BFAR: variants seen among roughly 807,000 people sequenced by gnomAD.
BFAR encodes RING finger protein 47.
A neutral mutation model predicts 54.4 loss-of-function variants in BFAR; 52 were observed. That is an observed-to-expected ratio of 0.96 (90% CI 0.77 to 1.21). BFAR has a LOEUF of 1.21. Ranked by LOEUF, BFAR falls within the 50% of genes most tolerant of loss-of-function variation. The probability of loss-of-function intolerance (pLI) is 0.00; values close to 1 mark genes in which losing one functional copy is unlikely to be tolerated. For missense variants in BFAR, 571 were observed against 534.0 expected (o/e 1.07, Z -0.68); for synonymous variants, 215 against 204.3 (o/e 1.05, Z -0.45).
At chr16:14,664,653 C>T (rs999457759) in intron 6 of BFAR, among the ~76,000 whole-genome samples, 2 of 152,112 alleles carry the variant, frequency 1.3e-5, no homozygotes, top group Non-Finnish European at 2.9e-5. Flanking sequence ...GCACACACCA[C>T]CACGTCTGGC....
intron 1 of BFAR, among the ~76,000 whole-genome samples, chr16:14,636,586 C>G (rs1959450411): frequency 1.3e-5 from 2 of 152,206 alleles, no homozygotes; most frequent in African/African-American, 4.8e-5. Context: ...CCAAGACATT[C>G]CATTGCCCAG....
chr16:14,656,788 C>T (rs1467484180), intron 5 of BFAR, among the ~76,000 whole-genome samples: 3 of 152,068 alleles, frequency 2.0e-5, no homozygotes, highest in African/African-American at 7.2e-5. Context: ...GAAAAGGAGA[C>T]AAAGACTTTG....
intron 5 of BFAR, among the ~76,000 whole-genome samples, 161 bp from the exon 6 acceptor site, chr16:14,661,731 C>G (rs891871210): frequency 5.3e-5 from 8 of 152,112 alleles, no homozygotes; most frequent in African/African-American, 1.9e-4. Context: ...CAATGTAACC[C>G]CAAATGTGGA....
intron 7 of BFAR, among the ~76,000 whole-genome samples, chr16:14,666,963 G>A (rs1216423633): frequency 6.6e-6 from 1 of 152,114 alleles, no homozygotes; most frequent in Non-Finnish European, 1.5e-5. Context: ...TGTAATCCCA[G>A]CACTTTGGGA....
At chr16:14,659,108 C>T (rs1400117916) in intron 5 of BFAR, among the ~76,000 whole-genome samples, 2 of 151,980 alleles carry the variant, frequency 1.3e-5, no homozygotes, top group South Asian at 4.2e-4. Context: ...GGGGTTTCAC[C>T]GTGTTGGCCA....
At chr16:14,662,841 C>T (rs966134856) in intron 6 of BFAR, among the ~76,000 whole-genome samples, 1 of 152,134 alleles carries the variant, frequency 6.6e-6, no homozygotes, top group East Asian at 1.9e-4. Flanking sequence ...CCGGGAGCGT[C>T]GGCAAGACTC....
At chr16:14,640,762 C>A (rs1298441359) in intron 1 of BFAR, among the ~76,000 whole-genome samples, 1 of 152,172 alleles carries the variant, frequency 6.6e-6, no homozygotes, top group African/African-American at 2.4e-5. Flanking sequence ...CCCTCTTATC[C>A]CAGTAGATCA....
intron 5 of BFAR, among the ~76,000 whole-genome samples, chr16:14,660,461 AT>A (rs2151843540): frequency 7.3e-5 from 11 of 150,810 alleles, no homozygotes; most frequent in African/African-American, 2.7e-4. Flanking sequence ...TAATTTTTGT[AT>A]TTTTAGTAGA....
chr16:14,639,168 C>T (rs754980086), intron 1 of BFAR, among the ~76,000 whole-genome samples: 15 of 152,146 alleles, frequency 9.9e-5, no homozygotes, highest in South Asian at 2.1e-4. Flanking sequence ...TTGTAGAGAC[C>T]GGGTTTCACC....
intron 2 of BFAR, among the ~76,000 whole-genome samples, chr16:14,646,241 C>T (rs1313258715): frequency 5.9e-5 from 9 of 152,138 alleles, no homozygotes; most frequent in East Asian, 1.9e-4. Context: ...TTAGTAGAGA[C>T]GGGGTTTCCC....
In BFAR at chr16:14,649,962, A is replaced by G. The variant is rs754112517; in HGVS notation, c.627A>G (p.Arg209=). 1 of 1,607,674 alleles carries G rather than the reference A, an allele frequency of 6.2e-7. No individual in the cohort carries two copies. The highest frequency in any genetic ancestry group is 1.7e-5 in the Admixed American group (1 of 59,026). The part of the protein sequence containing the change: ...SLYRERFLSE[R]VNGRLLLTLT... ...ACAGGGAAAGGTTTTTATCTGAACG[A>G]GTAAATGGAAGGTGAGGAGCAAAGT... The change falls in exon 4 of 8, where the codon CGA becomes CGG. Residue 209 remains arginine (R), a synonymous_variant. Transcript: ENST00000261658.
At chr16:14,643,617 A>G (rs1389057274) in intron 1 of BFAR, among the ~76,000 whole-genome samples, 2 of 152,100 alleles carry the variant, frequency 1.3e-5, no homozygotes, top group Non-Finnish European at 2.9e-5. Context: ...AAAAATACAA[A>G]AAATTACCCG....
intron 5 of BFAR, among the ~76,000 whole-genome samples, chr16:14,661,392 C>CTTTTTTTTTTTTTTT (rs774393097): frequency 3.1e-5 from 2 of 65,076 alleles, no homozygotes; most frequent in Non-Finnish European, 5.8e-5. Context: ...GAGATTGGAT[C>CTTTTTTTTTTTTTTT]TTTTTTTTTT....
chr16:14,661,283 A>G (rs1203094604), intron 5 of BFAR, among the ~76,000 whole-genome samples: 7 of 150,444 alleles, frequency 4.7e-5, no homozygotes, highest in Non-Finnish European at 7.4e-5. Context: ...CAATTTTAAG[A>G]CTCTTTGATA....
chr16:14,649,739 C>T (rs1959911289), intron 3 of BFAR, 65 bp from the exon 4 acceptor site: 3 of 1,421,244 alleles, frequency 2.1e-6, no homozygotes, highest in Admixed American at 4.0e-5. Context: ...CACCTCCCAC[C>T]CGCATATTTA....
At chr16:14,646,463 C>A (rs1013330554) in intron 2 of BFAR, among the ~76,000 whole-genome samples, 3 of 151,764 alleles carry the variant, frequency 2.0e-5, no homozygotes, top group Non-Finnish European at 4.4e-5. Flanking sequence ...GCTGGGATTA[C>A]AGGCGTGAGC....
Position 14,640,583 on chromosome 16 carries a change from C to T in BFAR, c.-73-3691C>T, listed in dbSNP as rs192576694. Among the ~76,000 whole-genome samples the T allele has an allele frequency of 9.5e-4, 144 of 152,226 alleles. 5 individuals are homozygous for T. Among genetic ancestry groups the T allele is most frequent in the Admixed American group, 8.7e-3 (133 of 15,282 alleles). On this transcript the variant is annotated intron_variant, in intron 1 of 7. Transcript: ENST00000261658. ...AGAAAAAACACCAGGTGAAGGAAAG[C>T]CTCCCTACAGGCCAGGTGTTGCCCT...
rs940617614 is a variant in BFAR at position 14,661,953 on chromosome 16, G to C, written c.845G>C (p.Ser282Thr). 1.2e-6 allele frequency: 2 copies of C among 1,614,130 alleles called. No homozygotes were observed. The highest frequency in any genetic ancestry group is 1.3e-5 in the African/African-American group (1 of 75,048). Residue 282 changes from serine to threonine, a missense_variant, in exon 6 of 8, where the codon AGT becomes ACT. Physicochemically the swap from Ser to Thr is moderately conservative, Grantham distance 58 (BLOSUM62 1). Coordinates refer to ENST00000261658, the MANE Select transcript of BFAR (RefSeq NM_016561.3). The stretch of plus-strand genomic sequence containing the variant: ...GCCCTCAAGAGCTCCCCCAGGCTGA[G>C]TCTGCTCTACCTGTACCTGTTTGAC... ...LYALKSSPRLSLLYLYLFDYT... is the reference protein window; with the variant it reads ...LYALKSSPRLTLLYLYLFDYT...
chr16:14,647,776 A>G (rs1417012591), intron 2 of BFAR, among the ~76,000 whole-genome samples: 1 of 152,146 alleles, frequency 6.6e-6, no homozygotes, highest in African/African-American at 2.4e-5. Context: ...TTTTAAATCA[A>G]TTATGTACGT....
Sources: gnomAD v4.1 joint callset for allele counts (sites outside exome capture counted in the v4.1 genomes callset) on GRCh38, gnomAD v4.1.1 for gene constraint, MANE v1.5 for transcripts, NCBI Gene and HGNC (gene_info 2026-07-23, HGNC 2026-07-21) for gene names.